Variants in ZNF675 observed in about 807,000 individuals in gnomAD.
The protein encoded by ZNF675 is TRAF6 inhibitory zinc finger.
A neutral mutation model predicts 56.1 loss-of-function variants in ZNF675; 36 were observed. The observed-to-expected ratio is 0.64, with a 90% confidence interval of 0.49 to 0.85. The LOEUF is 0.85. ZNF675 is among the 40% of genes least tolerant of loss of function. The pLI, the probability that ZNF675 is intolerant of heterozygous loss-of-function variation, is 0.00. For missense variants in ZNF675, 663 were observed against 654.2 expected (o/e 1.01, Z -0.15); for synonymous variants, 200 against 218.9 (o/e 0.91, Z 0.76).
chr19:23,666,189 C>T (rs1298847442), intron 1 of ZNF675, among the ~76,000 whole-genome samples: 1 of 152,224 alleles, frequency 6.6e-6, no homozygotes, highest in Non-Finnish European at 1.5e-5. Context: ...TTGCAAATCC[C>T]CACCTTTTCT....
At chr19:23,687,006 G>A in intron 1 of ZNF675, 25 bp downstream of exon 1, 1 of 1,613,680 alleles carries the variant, frequency 6.2e-7, no homozygotes. Context: ...TCCCCCTCTC[G>A]GGATGTCGCA....
chr19:23,661,318 C>T (rs1295617053), intron 3 of ZNF675, among the ~76,000 whole-genome samples: 1 of 151,526 alleles, frequency 6.6e-6, no homozygotes, highest in Non-Finnish European at 1.5e-5. Context: ...GCCCTTGAGC[C>T]GATGCCCAGC....
At chr19:23,679,190 A>G (rs1968343542) in intron 1 of ZNF675, among the ~76,000 whole-genome samples, 1 of 148,870 alleles carries the variant, frequency 6.7e-6, no homozygotes, top group African/African-American at 2.5e-5. Flanking sequence ...AAAAGAGAAC[A>G]AAAATTAAAT....
Position 23,653,078 on chromosome 19 carries a change from G to T in ZNF675, c.*148C>A. ...CAGTATTGCCAAATTCTTCACACTTGTAGTTTTCTCCAGTATGAATTATCT... is the reference window on the plus strand; with the variant it reads ...CAGTATTGCCAAATTCTTCACACTTTTAGTTTTCTCCAGTATGAATTATCT... On this transcript the variant is annotated 3_prime_UTR_variant, in exon 4 of 4. Transcript: ENST00000359788. The T allele has an allele frequency of 1.3e-6, 1 of 758,532 alleles. No individual in the cohort carries two copies. Among genetic ancestry groups the T allele is most frequent in the Non-Finnish European group, 2.0e-6 (1 of 494,184 alleles). 47.0% of individuals were successfully genotyped at this position (758,532 alleles called of 1,614,324 possible).
intron 1 of ZNF675, among the ~76,000 whole-genome samples, chr19:23,674,054 T>C (rs1968259578): frequency 6.6e-6 from 1 of 150,672 alleles, no homozygotes; most frequent in Non-Finnish European, 1.5e-5. Flanking sequence ...AATACAAAAA[T>C]CAGCCGGGCA....
At chr19:23,679,953 G>A (rs1302345989) in intron 1 of ZNF675, among the ~76,000 whole-genome samples, 6 of 150,548 alleles carry the variant, frequency 4.0e-5, no homozygotes, top group Admixed American at 2.0e-4. Context: ...TTGCACCACT[G>A]CACTCCAGCC....
At chr19:23,678,156 G>T (rs1968324892) in intron 1 of ZNF675, among the ~76,000 whole-genome samples, 1 of 151,500 alleles carries the variant, frequency 6.6e-6, no homozygotes, top group Non-Finnish European at 1.5e-5. Context: ...CAAACAAATG[G>T]AAAATCATTT....
intron 1 of ZNF675, among the ~76,000 whole-genome samples, chr19:23,663,370 T>C (rs757280304): frequency 1.3e-5 from 2 of 152,098 alleles, no homozygotes; most frequent in Non-Finnish European, 2.9e-5. Context: ...ACAACACCAG[T>C]GTATATATAA....
rs745929837 is a variant in ZNF675 at position 23,654,535 on chromosome 19, T to A, written c.398A>T (p.Asn133Ile). 1 of 1,606,562 alleles carries A rather than the reference T, an allele frequency of 6.2e-7. No individual in the cohort carries two copies. The highest frequency in any genetic ancestry group is 1.1e-5 in the South Asian group (1 of 90,054). ...GCTCTGCATAGTTGGTAAACATTGG[T>A]TAAGTCCATTATAACCTCCCTTGTG... The part of the protein sequence containing the change: ...KLHKGGYNGL[N>I]QCLPTMQSKM... The change falls in exon 4 of 4, where the codon AAC becomes ATC. Residue 133 changes from asparagine (N) to isoleucine (I), a missense_variant. Asn to Ile is a moderately radical substitution (Grantham distance 149). Around this residue, in one of 3 missense-constraint regions of ZNF675, gnomAD observed 617 missense variants for 590.5 expected, o/e 1.04. Coordinates refer to ENST00000359788, the MANE Select transcript of ZNF675 (RefSeq NM_138330.3).
chr19:23,655,765 AT>A (rs1357008160), intron 3 of ZNF675: 3 of 152,208 alleles, frequency 2.0e-5, no homozygotes, highest in Non-Finnish European at 2.9e-5. Flanking sequence ...AGAATACACA[AT>A]ATTTTTCTTT....
At chr19:23,681,242 C>T (rs1171938194) in intron 1 of ZNF675, among the ~76,000 whole-genome samples, 5 of 151,606 alleles carry the variant, frequency 3.3e-5, no homozygotes, top group South Asian at 4.2e-4. Flanking sequence ...TTGGGTTTTT[C>T]GCAAGAAGCA....
intron 3 of ZNF675, among the ~76,000 whole-genome samples, chr19:23,657,984 C>A (rs1968010227): frequency 6.6e-6 from 1 of 151,998 alleles, no homozygotes. Context: ...ACTGAAAAAA[C>A]ACATTAATAT....
At chr19:23,669,644 C>T (rs560727927) in intron 1 of ZNF675, among the ~76,000 whole-genome samples, 41 of 152,082 alleles carry the variant, frequency 2.7e-4, no homozygotes, top group African/African-American at 8.9e-4. Flanking sequence ...GATGCTGAGG[C>T]GGACAGATCA....
chr19:23,658,211 AT>A (rs1363701643), intron 3 of ZNF675, among the ~76,000 whole-genome samples: 6 of 151,936 alleles, frequency 3.9e-5, no homozygotes, highest in Non-Finnish European at 8.8e-5. Context: ...ATGCAAAAAA[AT>A]TAGCCAGGTG....
chr19:23,680,384 C>G (rs1163883972), intron 1 of ZNF675, among the ~76,000 whole-genome samples: 4 of 151,732 alleles, frequency 2.6e-5, no homozygotes, highest in Admixed American at 2.6e-4. Context: ...ATTTCTTTTG[C>G]AGCAACATGT....
At position 23,656,891 on chromosome 19, in the gene ZNF675, ATAG is replaced by A. The variant is rs1207693808; in HGVS notation, c.227-2188_227-2186del. The A allele has an allele frequency of 3.3e-5, 5 of 152,322 alleles. No individual in the cohort carries two copies. In the East Asian group the frequency reaches 9.7e-4, roughly 29 times the overall value. 9.4% of individuals were successfully genotyped at this position (152,322 alleles called of 1,614,324 possible). A position where few individuals can be genotyped will look rare whatever the true frequency, so the allele number is the denominator to read the frequency against. The stretch of plus-strand genomic sequence containing the variant: ...TTTAGTTTCACAAGATGAAAAATTT[ATAG>A]AAGTCTTTTGCATAACAATACAAAT... On this transcript the variant is annotated intron_variant, in intron 3 of 3. Transcript: ENST00000359788.
At chr19:23,669,535 G>A (rs748515576) in intron 1 of ZNF675, among the ~76,000 whole-genome samples, 1 of 152,078 alleles carries the variant, frequency 6.6e-6, no homozygotes, top group South Asian at 2.1e-4. Context: ...CTGAAGTTGA[G>A]AGAGTTAAAG....
Position 23,654,631 on chromosome 19 carries a change from C to G in ZNF675, c.302G>C (p.Arg101Thr). ...IKDSFEKVTL[R>T]RYEKCGNDNF... Reference sequence around the variant, plus strand: ...ATCATTTCCACATTTTTCATATCTTCTCAGTGTCACTTTTTCAAAAGAATC... The same window carrying G: ...ATCATTTCCACATTTTTCATATCTTGTCAGTGTCACTTTTTCAAAAGAATC... The change falls in exon 4 of 4, where the codon AGA (arginine) becomes ACA (threonine). Residue 101 changes from arginine (R) to threonine (T), a missense_variant. Arg to Thr is a moderately conservative substitution (Grantham distance 71). Transcript: ENST00000359788. The G allele has an allele frequency of 6.2e-7, 1 of 1,602,234 alleles. No individual in the cohort carries two copies. Among genetic ancestry groups the G allele is most frequent in the Non-Finnish European group, 8.5e-7 (1 of 1,176,010 alleles).
At chr19:23,662,899 G>A in intron 2 of ZNF675, 133 bp downstream of exon 2, 1 of 733,650 alleles carries the variant, frequency 1.4e-6, no homozygotes, top group Non-Finnish European at 2.0e-6. Flanking sequence ...CACGAGAATT[G>A]CTTGAACCCA....
Sources: gnomAD v4.1 joint callset for allele counts (sites outside exome capture counted in the v4.1 genomes callset) on GRCh38, gnomAD v4.1.1 for gene constraint, gnomAD v4.1.1 regional missense constraint, MANE v1.5 for transcripts, NCBI Gene and HGNC (gene_info 2026-07-23, HGNC 2026-07-21) for gene names.